The following CTNNA2 variants were observed in gnomAD, a reference collection of about 807,000 sequenced individuals.
CTNNA2 encodes the protein catenin alpha 2.
CTNNA2 carries 42 observed loss-of-function variants against 101.0 expected under a neutral mutation model. The ratio of observed to expected loss-of-function variants is 0.42; its 90% CI spans 0.32 to 0.54. The LOEUF (loss-of-function observed/expected upper bound fraction) is 0.54. Ranked by LOEUF, CTNNA2 falls within the 20% of genes least tolerant of loss-of-function variation. The pLI is 0.14. For missense variants in CTNNA2, 871 were observed against 1,223.1 expected (o/e 0.71, Z 4.29); for synonymous variants, 450 against 456.4 (o/e 0.99, Z 0.18).
intron 3 of CTNNA2, among the ~76,000 whole-genome samples, chr2:79,816,592 A>C (rs149053557): frequency 4.6e-4 from 70 of 152,278 alleles, no homozygotes; most frequent in African/African-American, 1.6e-3. Context: ...AAGAGAGTTC[A>C]AAGATCAACC....
chr2:80,557,190 G>A (rs1405337668), intron 12 of CTNNA2, among the ~76,000 whole-genome samples: 1 of 152,092 alleles, frequency 6.6e-6, no homozygotes, highest in African/African-American at 2.4e-5. Flanking sequence ...CTTAGACTTA[G>A]ACATAATAAC....
At position 80,302,334 on chromosome 2, in the gene CTNNA2, G is replaced by T; in HGVS notation, c.1057-90877G>T. On this transcript the variant is annotated intron_variant, in intron 7 of 18. Transcript: ENST00000402739. The surrounding 1 kb of genome is among the most constrained non-coding windows in gnomAD (Gnocchi z 6.4). ...ATGATCACCAGGGCTCCCTCAATGTGGTTCGGTTTGTAATCAACGTAGTAT... is the reference window on the plus strand; with the variant it reads ...ATGATCACCAGGGCTCCCTCAATGTTGTTCGGTTTGTAATCAACGTAGTAT... The T allele has an allele frequency of 1.2e-6, 2 of 1,614,240 alleles. No individual in the cohort carries two copies. The highest frequency in any genetic ancestry group is 1.1e-5 in the South Asian group (1 of 91,082).
chr2:79,445,872 A>G (rs1379417948), intron 4 of CTNNA2, among the ~76,000 whole-genome samples: 2 of 151,874 alleles, frequency 1.3e-5, no homozygotes, highest in African/African-American at 4.8e-5. Context: ...AATGTTCATG[A>G]ATAATAAAAA....
intron 3 of CTNNA2, among the ~76,000 whole-genome samples, chr2:79,788,183 G>C (rs142234917): frequency 6.6e-6 from 1 of 152,180 alleles, no homozygotes; most frequent in Non-Finnish European, 1.5e-5. Flanking sequence ...TTTCCAAGCA[G>C]GTGAAGAACC....
chr2:79,479,729 C>A (rs528915093), intron 4 of CTNNA2, among the ~76,000 whole-genome samples: 1 of 152,002 alleles, frequency 6.6e-6, no homozygotes, highest in Non-Finnish European at 1.5e-5. Context: ...TCAAGACCAG[C>A]CTGGCCAACA....
chr2:79,978,349 G>A (rs771546619), intron 7 of CTNNA2, among the ~76,000 whole-genome samples: 3 of 152,104 alleles, frequency 2.0e-5, no homozygotes, highest in Non-Finnish European at 2.9e-5. Context: ...TTTGGGATGT[G>A]TGTTCCATCA....
rs1677777376 is a variant in CTNNA2 at position 80,394,129 on chromosome 2, C to T, written c.1137+838C>T. ...GACTGTGACAGCCAGCTAAAACCAACCACTGCCATGGCAGCACCTGCTGTA... is the reference window on the plus strand; with the variant it reads ...GACTGTGACAGCCAGCTAAAACCAATCACTGCCATGGCAGCACCTGCTGTA... On this transcript the variant is annotated intron_variant, in intron 8 of 18. Coordinates refer to ENST00000402739, the MANE Select transcript of CTNNA2 (RefSeq NM_001282597.3). Among the ~76,000 whole-genome samples the T allele has an allele frequency of 2.0e-5, 3 of 152,340 alleles. No individual in the cohort carries two copies. In the South Asian group the frequency reaches 6.2e-4, roughly 32 times the overall value.
chr2:79,297,544 T>A (rs1676009987), intron 2 of CTNNA2, among the ~76,000 whole-genome samples: 1 of 152,218 alleles, frequency 6.6e-6, no homozygotes, highest in African/African-American at 2.4e-5. Context: ...TGGTTCATTT[T>A]GTGATTTCCT....
chr2:79,193,772 C>A (rs962849061), intron 1 of CTNNA2, among the ~76,000 whole-genome samples: 1 of 152,114 alleles, frequency 6.6e-6, no homozygotes, highest in African/African-American at 2.4e-5. Flanking sequence ...TATAGGTAAA[C>A]ATCTTTGTCT....
At chr2:79,324,847 A>T (rs984526559) in intron 3 of CTNNA2, among the ~76,000 whole-genome samples, 4 of 152,192 alleles carry the variant, frequency 2.6e-5, no homozygotes, top group Non-Finnish European at 4.4e-5. Context: ...TAAGCATAGC[A>T]GGAGGCAGCA....
intron 4 of CTNNA2, among the ~76,000 whole-genome samples, chr2:79,452,067 A>G (rs1215219952): frequency 6.6e-6 from 1 of 152,146 alleles, no homozygotes; most frequent in Non-Finnish European, 1.5e-5. Flanking sequence ...CAGAGTGTTT[A>G]AACACATTTC....
intron 9 of CTNNA2, among the ~76,000 whole-genome samples, chr2:80,518,158 AG>A (rs1689248350): frequency 6.6e-6 from 1 of 152,192 alleles, no homozygotes; most frequent in Non-Finnish European, 1.5e-5. Flanking sequence ...TGGATTATTG[AG>A]GTGATTCTTC....
chr2:79,253,429 G>A (rs1434338240), intron 2 of CTNNA2, among the ~76,000 whole-genome samples: 5 of 152,170 alleles, frequency 3.3e-5, no homozygotes, highest in Non-Finnish European at 7.4e-5. Context: ...TCTCTCACTG[G>A]TGCATGTTAA....
chr2:80,184,096 A>G (rs911810488), intron 7 of CTNNA2, among the ~76,000 whole-genome samples: 1 of 152,158 alleles, frequency 6.6e-6, no homozygotes, highest in Non-Finnish European at 1.5e-5. Context: ...ACCACAAAAC[A>G]TGTTATCTTT....
chr2:79,452,658 C>A (rs1235506441), intron 4 of CTNNA2, among the ~76,000 whole-genome samples: 1 of 151,986 alleles, frequency 6.6e-6, no homozygotes, highest in Non-Finnish European at 1.5e-5. Flanking sequence ...TTGCATTAAT[C>A]TTTGCACCTT....
At chr2:80,102,310 CTTGGCCTTG>C (rs1178644611) in intron 7 of CTNNA2, among the ~76,000 whole-genome samples, 1 of 152,150 alleles carries the variant, frequency 6.6e-6, no homozygotes, top group Non-Finnish European at 1.5e-5. Flanking sequence ...ATCCTTCCAC[CTTGGCCTTG>C]TCCCATATGC....
intron 3 of CTNNA2, chr2:79,776,943 G>A (rs1558920048): frequency 6.6e-6 from 1 of 152,158 alleles, no homozygotes. Context: ...TACACATAAT[G>A]AAAATGCTCC....
intron 7 of CTNNA2, among the ~76,000 whole-genome samples, chr2:80,230,298 G>A (rs910484597): frequency 5.4e-5 from 3 of 55,312 alleles, no homozygotes; most frequent in African/African-American, 2.1e-4. Context: ...GTCTTGCTTT[G>A]TTGTTCAGGC....
intron 8 of CTNNA2, among the ~76,000 whole-genome samples, chr2:80,404,434 G>C (rs1251404254): frequency 6.6e-6 from 1 of 152,086 alleles, no homozygotes; most frequent in African/African-American, 2.4e-5. Flanking sequence ...CCAGTGAGGG[G>C]GGAAATATCA....
Sources: allele counts gnomAD v4.1 joint callset (sites outside exome capture counted in the v4.1 genomes callset), GRCh38; gene constraint gnomAD v4.1.1; non-coding constraint Gnocchi (gnomAD v3.1); transcripts MANE v1.5; gene names NCBI Gene and HGNC (gene_info 2026-07-23, HGNC 2026-07-21).